The following RHOBTB1 variants were observed in gnomAD, a reference collection of about 807,000 sequenced individuals.
RHOBTB1 encodes Rho related BTB domain containing 1.
RHOBTB1 carries 40 observed loss-of-function variants against 71.6 expected under a neutral mutation model. The ratio of observed to expected loss-of-function variants is 0.56; its 90% confidence interval spans 0.43 to 0.73. The LOEUF (loss-of-function observed/expected upper bound fraction) is 0.73, where lower values mean the gene tolerates loss of function less well. Ranked by LOEUF, RHOBTB1 falls within the 30% of genes least tolerant of loss-of-function variation. The pLI, the probability that RHOBTB1 is intolerant of heterozygous loss-of-function variation, is 0.00. For missense variants in RHOBTB1, 797 were observed against 894.0 expected, an observed-to-expected ratio of 0.89 and a Z score of 1.38; for synonymous variants, 319 against 334.9, an observed-to-expected ratio of 0.95 and a Z score of 0.52.
intron 2 of RHOBTB1, among the ~76,000 whole-genome samples, chr10:60,966,458 C>T (rs1254370339): frequency 6.6e-6 from 1 of 151,342 alleles, no homozygotes; most frequent in African/African-American, 2.4e-5. Context: ...TCACTTGAGA[C>T]CAGGAGTTTG....
At chr10:60,922,852 T>C (rs2133777531) in intron 2 of RHOBTB1, among the ~76,000 whole-genome samples, 1 of 152,324 alleles carries the variant, frequency 6.6e-6, no homozygotes, top group African/African-American at 2.4e-5. Flanking sequence ...GACCCTATGA[T>C]AGAACTGATT....
At chr10:60,918,154 A>G (rs1296301136) in intron 2 of RHOBTB1, among the ~76,000 whole-genome samples, 19 of 152,196 alleles carry the variant, frequency 1.2e-4, no homozygotes, top group Admixed American at 1.2e-3. Flanking sequence ...ATATGCTTAT[A>G]CAACACCCCT....
downstream of RHOBTB1, among the ~76,000 whole-genome samples, chr10:60,864,909 T>G (rs2080630279): frequency 6.6e-6 from 1 of 152,256 alleles, no homozygotes; most frequent in Admixed American, 6.5e-5. Flanking sequence ...CAAGCTGGTC[T>G]TGACCTCCTG....
At chr10:60,863,147 T>G in the RHOBTB1 span, among the ~76,000 whole-genome samples, 1 of 152,152 alleles carries the variant, frequency 6.6e-6, no homozygotes, top group African/African-American at 2.4e-5. Context: ...TTGCTGTAGA[T>G]CTGTAAAATG....
upstream of RHOBTB1, among the ~76,000 whole-genome samples, chr10:60,948,310 A>AT (rs2085302625): frequency 6.6e-6 from 1 of 152,216 alleles, no homozygotes; most frequent in Non-Finnish European, 1.5e-5. Flanking sequence ...ATTGCCATCA[A>AT]TTTTATCAAG....
At chr10:60,871,965 C>A in intron 10 of RHOBTB1, 1 of 623,410 alleles carries the variant, frequency 1.6e-6, no homozygotes, top group Non-Finnish European at 2.8e-6. Flanking sequence ...GCACCCTGGA[C>A]TCTAGCCCAC....
chr10:60,904,331 G>C (rs1214936307), intron 4 of RHOBTB1, among the ~76,000 whole-genome samples: 1 of 152,090 alleles, frequency 6.6e-6, no homozygotes, highest in East Asian at 1.9e-4. Context: ...GATTAATTTT[G>C]ACATACGTAT....
downstream of RHOBTB1, among the ~76,000 whole-genome samples, chr10:60,865,253 C>T (rs1308236244): frequency 6.6e-6 from 1 of 152,134 alleles, no homozygotes; most frequent in African/African-American, 2.4e-5. Flanking sequence ...TGGAAGCTTA[C>T]TTTTTCTTTA....
chr10:60,970,893 C>A (rs141531628), intron 2 of RHOBTB1, among the ~76,000 whole-genome samples: 15 of 152,094 alleles, frequency 9.9e-5, no homozygotes, highest in African/African-American at 2.4e-4. Context: ...TAAAAATATT[C>A]ATGGAGAGTC....
chr10:60,971,971 A>C (rs2086173937), intron 2 of RHOBTB1, among the ~76,000 whole-genome samples: 1 of 152,232 alleles, frequency 6.6e-6, no homozygotes, highest in African/African-American at 2.4e-5. Context: ...GAGAAATGCA[A>C]ATCAAAACCA....
chr10:60,967,671 A>G (rs1379200413), intron 2 of RHOBTB1, among the ~76,000 whole-genome samples: 1 of 152,110 alleles, frequency 6.6e-6, no homozygotes, highest in Non-Finnish European at 1.5e-5. Context: ...AGAGAGGGTA[A>G]GAGGACACTT....
chr10:60,950,155 C>A (rs952837923), intron 2 of RHOBTB1, among the ~76,000 whole-genome samples: 1 of 152,174 alleles, frequency 6.6e-6, no homozygotes, highest in Non-Finnish European at 1.5e-5. Context: ...ATCTGTCTGA[C>A]TTTGTTTAGG....
intron 2 of RHOBTB1, among the ~76,000 whole-genome samples, chr10:60,954,781 A>T (rs1277569820): frequency 1.3e-5 from 2 of 152,190 alleles, no homozygotes; most frequent in African/African-American, 4.8e-5. Context: ...GTCAAGTAAC[A>T]TTTCCCAAAG....
chr10:60,864,957 C>G (rs113922571), downstream of RHOBTB1, among the ~76,000 whole-genome samples: 2,061 of 152,298 alleles, frequency 0.014, 24 homozygotes, highest in East Asian at 0.026. Context: ...TCCCAAAGTG[C>G]TGGGATTACA....
intron 2 of RHOBTB1, among the ~76,000 whole-genome samples, chr10:60,922,427 A>G (rs530745137): frequency 2.4e-4 from 36 of 152,198 alleles, no homozygotes; most frequent in Non-Finnish European, 4.1e-4. Flanking sequence ...AGCCTCTACA[A>G]CAGTACCAGA....
At position 60,875,052 on chromosome 10, in the gene RHOBTB1, A is replaced by G; in HGVS notation, c.1727-10T>C. On this transcript the variant is annotated splice_polypyrimidine_tract_variant and intron_variant, in intron 8 of 10. Transcript: ENST00000337910. The stretch of plus-strand genomic sequence containing the variant: ...TGAACGGCATGCTGTTCTGGGGAAG[A>G]GAGAGGGGGCAGGAGAACATTAAAC... The G allele has an allele frequency of 6.2e-7, 1 of 1,611,410 alleles. No individual in the cohort carries two copies. The highest frequency in any genetic ancestry group is 2.2e-5 in the East Asian group (1 of 44,858).
At chr10:60,981,972 T>C (rs1471810376) in intron 2 of RHOBTB1, among the ~76,000 whole-genome samples, 1 of 152,158 alleles carries the variant, frequency 6.6e-6, no homozygotes, top group Non-Finnish European at 1.5e-5. Context: ...GTTTGCACCA[T>C]GTTAGCCAGG....
chr10:60,889,226 T>A, intron 5 of RHOBTB1, 41 bp from the exon 6 acceptor site: 1 of 1,542,794 alleles, frequency 6.5e-7, no homozygotes, highest in Non-Finnish European at 8.7e-7. Flanking sequence ...AGCCTTGTTT[T>A]AGGAAAAAAA....
chr10:60,949,800 G>C (rs2085352450), intron 2 of RHOBTB1, among the ~76,000 whole-genome samples: 1 of 150,866 alleles, frequency 6.6e-6, no homozygotes, highest in South Asian at 2.1e-4. Context: ...ATTAGATACT[G>C]TGTACTTTTC....
Sources: allele counts gnomAD v4.1 joint callset (sites outside exome capture counted in the v4.1 genomes callset), GRCh38; gene constraint gnomAD v4.1.1; transcripts MANE v1.5; gene names NCBI Gene and HGNC (gene_info 2026-07-23, HGNC 2026-07-21).